Variants in SMG6 observed in about 807,000 individuals in gnomAD.
SMG6 encodes telomerase-binding protein EST1A.
A neutral mutation model predicts 142.2 loss-of-function variants in SMG6; 66 were observed. That is an observed-to-expected ratio of 0.46 (90% CI 0.38 to 0.57). SMG6 has a LOEUF of 0.57. Ranked by LOEUF, SMG6 falls within the 20% of genes least tolerant of loss-of-function variation. The pLI, the probability that SMG6 is intolerant of heterozygous loss-of-function variation, is 0.00. For missense variants in SMG6, 1,793 were observed against 1,832.0 expected, an observed-to-expected ratio of 0.98 and a Z score of 0.39; for synonymous variants, 779 against 702.4, an observed-to-expected ratio of 1.11 and a Z score of -1.72.
intron 8 of SMG6, among the ~76,000 whole-genome samples, chr17:2,277,360 G>A (rs1341461782): frequency 1.3e-5 from 2 of 151,546 alleles, no homozygotes; most frequent in South Asian, 2.1e-4. Flanking sequence ...TAGAGACGAG[G>A]TTTCACCGTG....
intron 8 of SMG6, among the ~76,000 whole-genome samples, chr17:2,252,750 T>G (rs1471597133): frequency 6.6e-6 from 1 of 152,156 alleles, no homozygotes; most frequent in Admixed American, 6.5e-5. Context: ...AGAGGGGCAC[T>G]TCGAATCAAC....
chr17:2,174,659 G>C (rs1331805223), intron 12 of SMG6, among the ~76,000 whole-genome samples: 1 of 152,188 alleles, frequency 6.6e-6, no homozygotes, highest in African/African-American at 2.4e-5. Context: ...TGTTTGGGAA[G>C]AATCACCGGA....
intron 13 of SMG6, among the ~76,000 whole-genome samples, chr17:2,116,226 C>G (rs2069501672): frequency 6.6e-6 from 1 of 151,900 alleles, no homozygotes; most frequent in African/African-American, 2.4e-5. Context: ...TATGAGCCAC[C>G]CTGCCCAGCT....
intron 13 of SMG6, among the ~76,000 whole-genome samples, chr17:2,160,355 G>C (rs2151623185): frequency 6.6e-6 from 1 of 152,196 alleles, no homozygotes. Flanking sequence ...AAGTAGCTGG[G>C]ATTACAGGGT....
Position 2,299,562 on chromosome 17 carries a change from C to A in SMG6, c.1191G>T (p.Pro397=). The change falls in exon 2 of 19, where the codon CCG becomes CCT. Residue 397 remains proline, a synonymous_variant. Coordinates refer to ENST00000263073, the MANE Select transcript of SMG6 (RefSeq NM_017575.5). The surrounding 1 kb of genome is among the most constrained non-coding windows in gnomAD (Gnocchi z 4.3). ...KGSEKQESKN[P]KQELRGRGRG... ...GACCACGACCCCGAAGTTCTTGTTT[C>A]GGGTTTTTGGACTCCTGCTTCTCAG... 2 of 1,614,118 alleles carry A rather than the reference C, an allele frequency of 1.2e-6. No individual in the cohort carries two copies. Among genetic ancestry groups the A allele is most frequent in the Non-Finnish European group, 1.7e-6 (2 of 1,180,012 alleles).
rs775899118 is a variant in SMG6 at position 2,297,284 on chromosome 17, T to C, written c.2110A>G (p.Met704Val). The C allele has an allele frequency of 5.0e-6, 8 of 1,613,620 alleles. 1 individual carries two copies. Among genetic ancestry groups the C allele is most frequent in the South Asian group, 2.2e-5 (2 of 90,990 alleles). The change falls in exon 4 of 19, where the codon ATG becomes GTG. Residue 704 changes from methionine (M) to valine (V), a missense_variant. By Grantham distance (21) the Met-to-Val change is conservative. This residue lies in a region of SMG6 where 1,597 missense variants were observed against 1,584.6 expected (regional missense o/e 1.01). Coordinates refer to ENST00000263073, the MANE Select transcript of SMG6 (RefSeq NM_017575.5). ...TTGCTGCGAATGGCAAGACCATCCATGTAGTCTTCCAGTTTGAACTTGTAA... is the reference window on the plus strand; with the variant it reads ...TTGCTGCGAATGGCAAGACCATCCACGTAGTCTTCCAGTTTGAACTTGTAA... ...VTYKFKLEDY[M>V]DGLAIRSKPL...
chr17:2,186,993 A>T (rs2072009386), intron 11 of SMG6, among the ~76,000 whole-genome samples, 162 bp from the exon 12 acceptor site: 1 of 152,226 alleles, frequency 6.6e-6, no homozygotes, highest in Non-Finnish European at 1.5e-5. Flanking sequence ...GAGGATTCTG[A>T]AAAGTAGGAC....
intron 10 of SMG6, among the ~76,000 whole-genome samples, chr17:2,210,713 C>T (rs1190620614): frequency 6.9e-6 from 1 of 144,068 alleles, no homozygotes; most frequent in Non-Finnish European, 1.5e-5. Flanking sequence ...AAAACAGATA[C>T]AGCATTTCTG....
chr17:2,135,479 A>G (rs1469907083), intron 13 of SMG6, among the ~76,000 whole-genome samples: 2 of 152,014 alleles, frequency 1.3e-5, no homozygotes, highest in Non-Finnish European at 2.9e-5. Context: ...GTCCACCCCC[A>G]CCAACCCCAA....
At chr17:2,066,668 C>CACACAA (rs1555529709) in intron 16 of SMG6, among the ~76,000 whole-genome samples, 1 of 151,102 alleles carries the variant, frequency 6.6e-6, no homozygotes, top group East Asian at 1.9e-4. Flanking sequence ...CACACACACA[C>CACACAA]ACACACACAC....
intron 10 of SMG6, among the ~76,000 whole-genome samples, chr17:2,202,218 C>A (rs1398725960): frequency 6.6e-6 from 1 of 152,196 alleles, no homozygotes; most frequent in African/African-American, 2.4e-5. Flanking sequence ...TATATCCACA[C>A]AGTGAGGACT....
At chr17:2,151,187 T>C (rs531077930) in intron 13 of SMG6, among the ~76,000 whole-genome samples, 1 of 152,326 alleles carries the variant, frequency 6.6e-6, no homozygotes, top group South Asian at 2.1e-4. Flanking sequence ...AAACCAGCCA[T>C]AGCACCACTA....
In SMG6 at chr17:2,085,984, C is replaced by T. The variant is rs2068550716; in HGVS notation, c.3358-83G>A. The T allele has an allele frequency of 6.5e-6, 9 of 1,394,260 alleles. No homozygotes were observed. The highest frequency in any genetic ancestry group is 1.4e-5 in the African/African-American group (1 of 69,902). The allele number at this position is 1,394,260 out of a possible 1,614,324, so 86.4% of individuals were successfully genotyped here. ...GAGATGTTGCTTGCCGGCTGAGGGGCACAGGGGAACTGTGTCAAAGCTACC... is the reference window on the plus strand; with the variant it reads ...GAGATGTTGCTTGCCGGCTGAGGGGTACAGGGGAACTGTGTCAAAGCTACC... On this transcript the variant is annotated intron_variant, in intron 13 of 18. Coordinates refer to ENST00000263073, the MANE Select transcript of SMG6 (RefSeq NM_017575.5). The surrounding 1 kb of genome is among the most constrained non-coding windows in gnomAD (Gnocchi z 4.1).
At chr17:2,121,963 A>G (rs2069716296) in intron 13 of SMG6, among the ~76,000 whole-genome samples, 1 of 152,046 alleles carries the variant, frequency 6.6e-6, no homozygotes, top group South Asian at 2.1e-4. Flanking sequence ...CTTCCTGAAT[A>G]GCTGGGATTA....
chr17:2,276,197 T>C (rs532094962), intron 8 of SMG6, among the ~76,000 whole-genome samples: 24 of 152,324 alleles, frequency 1.6e-4, no homozygotes, highest in Non-Finnish European at 2.8e-4. Flanking sequence ...AAACTTTGCC[T>C]TTCCTTATGT....
At chr17:2,127,138 CAAAAAAA>C (rs941523968) in intron 13 of SMG6, among the ~76,000 whole-genome samples, 513 of 51,278 alleles carry the variant, frequency 0.01, 1 homozygote, top group African/African-American at 0.033. Flanking sequence ...GACCTTGTCT[CAAAAAAA>C]AAAAAAAAAA....
In SMG6 at chr17:2,142,471, CCTCT is replaced by C. The variant is rs1198952272; in HGVS notation, c.3357+30183_3357+30186del. On this transcript the variant is annotated intron_variant, in intron 13 of 18. Coordinates refer to ENST00000263073, the MANE Select transcript of SMG6 (RefSeq NM_017575.5). ...ACCAGCCTGGGCAACACAGTGAGACCCTCTCTGTCTGTCTGTCTATCTATCTATG... is the reference window on the plus strand; with the variant it reads ...ACCAGCCTGGGCAACACAGTGAGACCCTGTCTGTCTGTCTATCTATCTATG... 5.3e-5 allele frequency among the ~76,000 whole-genome samples: 8 copies of C among 151,914 alleles called. No individual in the cohort carries two copies. In the South Asian group the frequency reaches 1.2e-3, roughly 24 times the overall value.
At chr17:2,246,361 G>A (rs2073927687) in intron 8 of SMG6, among the ~76,000 whole-genome samples, 1 of 152,196 alleles carries the variant, frequency 6.6e-6, no homozygotes, top group African/African-American at 2.4e-5. Flanking sequence ...GTATCGCTGG[G>A]CAGTCTGCCC....
At chr17:2,187,610 G>A (rs902741880) in intron 11 of SMG6, among the ~76,000 whole-genome samples, 3 of 152,108 alleles carry the variant, frequency 2.0e-5, no homozygotes, top group Non-Finnish European at 1.5e-5. Context: ...ATGGAAAGAC[G>A]AACGTAAGCC....
Sources: allele counts gnomAD v4.1 joint callset (sites outside exome capture counted in the v4.1 genomes callset), GRCh38; gene constraint gnomAD v4.1.1; regional missense constraint gnomAD v4.1.1; non-coding constraint Gnocchi (gnomAD v3.1); transcripts MANE v1.5; gene names NCBI Gene and HGNC (gene_info 2026-07-23, HGNC 2026-07-21).